The following SLC25A29 variants were observed in gnomAD, a reference collection of about 807,000 sequenced individuals.
SLC25A29 encodes the protein solute carrier family 25 member 29.
In SLC25A29, 13 loss-of-function variants were observed where a neutral mutation model predicts 10.0. The observed-to-expected ratio is 1.30, with a 90% CI of 0.85 to 2.07. The LOEUF (loss-of-function observed/expected upper bound fraction) is 2.07, where lower values mean the gene tolerates loss of function less well. Ranked by LOEUF, SLC25A29 falls within the 30% of genes most tolerant of loss-of-function variation. The pLI is 0.00. For missense variants in SLC25A29, 475 were observed against 447.6 expected (o/e 1.06, Z -0.55); for synonymous variants, 244 against 221.1 (o/e 1.10, Z -0.92).
intron 1 of SLC25A29, among the ~76,000 whole-genome samples, chr14:100,303,361 G>A (rs1208956959): frequency 6.6e-6 from 1 of 152,208 alleles, no homozygotes; most frequent in South Asian, 2.1e-4. Context: ...CCCTTCCTGT[G>A]GGTGCATGGT....
chr14:100,299,244 T>C, intron 1 of SLC25A29: 1 of 1,101,774 alleles, frequency 9.1e-7, no homozygotes, highest in Non-Finnish European at 1.1e-6. Context: ...TCCAAACACC[T>C]GACATGGGCA....
intron 1 of SLC25A29, chr14:100,299,872 C>T: frequency 1.0e-6 from 1 of 985,486 alleles, no homozygotes; most frequent in Non-Finnish European, 1.2e-6. Context: ...AACAAACTAA[C>T]ATTACGACCC....
At chr14:100,287,032 G>A (rs2139636418), downstream of SLC25A29, among the ~76,000 whole-genome samples, 1 of 152,374 alleles carries the variant, frequency 6.6e-6, no homozygotes, top group South Asian at 2.1e-4. Context: ...GTGTGCATAG[G>A]GCTGAGCCAT....
chr14:100,300,244 G>A (rs907932558), intron 1 of SLC25A29, among the ~76,000 whole-genome samples: 6 of 152,046 alleles, frequency 3.9e-5, no homozygotes, highest in Non-Finnish European at 5.9e-5. Flanking sequence ...GCACTCCAGC[G>A]ACCCAGAGAG....
At chr14:100,301,827 G>T (rs958857527) in intron 1 of SLC25A29, among the ~76,000 whole-genome samples, 1 of 151,432 alleles carries the variant, frequency 6.6e-6, no homozygotes, top group Non-Finnish European at 1.5e-5. Context: ...CTTCTAATAC[G>T]TCTAATCATT....
rs746725455 is a variant in SLC25A29, at chr14:100,292,272, C to T, written c.*11G>A. The T allele has an allele frequency of 3.9e-5, 60 of 1,533,166 alleles. No individual in the cohort carries two copies. The highest frequency in any genetic ancestry group is 4.0e-5 in the Non-Finnish European group (46 of 1,141,070). The allele number at this position is 1,533,166 out of a possible 1,614,324, so 95.0% of individuals were successfully genotyped here. ...GAGAAGGAGCCCTGGGGAAGGAGGG[C>T]GGGGTGAGCGTCACAGGCTGGAGGG... is the stretch of plus-strand genomic sequence containing the variant. On this transcript the variant is annotated 3_prime_UTR_variant, in exon 4 of 4. Coordinates refer to ENST00000359232, the MANE Select transcript of SLC25A29 (RefSeq NM_001039355.3).
chr14:100,282,373 T>C, the SLC25A29 span: 4 of 151,980 alleles, frequency 2.6e-5, no homozygotes, highest in African/African-American at 9.7e-5. Flanking sequence ...CTGCTCTCTC[T>C]GGGGGCCGCA....
Position 100,292,682 on chromosome 14 carries a change from G to A in SLC25A29, c.513C>T (p.Thr171=), listed in dbSNP as rs1334254180. ...CCAGCGCCCGCGTGAGAGCGTCATA[G>A]GTGAGGAAGTAGACGCCGAAGCTGG... ...ETPSFGVYFL[T]YDALTRALGC... is the part of the protein sequence containing the mutation. The change falls in exon 4 of 4, where the codon ACC becomes ACT. Residue 171 remains threonine, a synonymous_variant. Transcript: ENST00000359232. The A allele has an allele frequency of 5.6e-6, 9 of 1,603,152 alleles. No individual in the cohort carries two copies. The highest frequency in any genetic ancestry group is 3.3e-4 in the Middle Eastern group (2 of 6,054).
intron 2 of SLC25A29, 138 bp downstream of exon 2, chr14:100,298,704 G>T: frequency 9.3e-7 from 1 of 1,071,118 alleles, no homozygotes; most frequent in Non-Finnish European, 1.4e-6. Context: ...AAAGCAGTGA[G>T]GAAGGTTCAA....
the SLC25A29 span, among the ~76,000 whole-genome samples, chr14:100,283,042 C>G: frequency 1.3e-5 from 2 of 152,250 alleles, no homozygotes; most frequent in Non-Finnish European, 2.9e-5. Flanking sequence ...TTAAAGAGAG[C>G]CTCACCCACT....
downstream of SLC25A29, among the ~76,000 whole-genome samples, chr14:100,287,634 C>CT (rs373667464): frequency 1.2e-4 from 14 of 112,122 alleles, no homozygotes; most frequent in Non-Finnish European, 2.1e-4. Context: ...CACCACCCCC[C>CT]CCCTCCGAAT....
At chr14:100,285,344 T>C in the SLC25A29 span, among the ~76,000 whole-genome samples, 2 of 151,910 alleles carry the variant, frequency 1.3e-5, no homozygotes, top group South Asian at 4.1e-4. Flanking sequence ...CACGCTGCTC[T>C]GGCGGGCGGC....
In SLC25A29 at chr14:100,291,766, C is replaced by A. The variant is rs1891710593; in HGVS notation, c.*517G>T. On this transcript the variant is annotated 3_prime_UTR_variant, in exon 4 of 4. Transcript: ENST00000359232. ...GGAGAAGCTGGGGTATGCAGAGGAT[C>A]CAGTTCTGTGACACCAGGAGGCACA... is the stretch of plus-strand genomic sequence containing the variant. 5.9e-6 allele frequency: 1 copy of A among 169,890 alleles called. No homozygotes were observed. 10.5% of individuals were successfully genotyped at this position (169,890 alleles called of 1,614,324 possible).
intron 1 of SLC25A29, among the ~76,000 whole-genome samples, chr14:100,301,601 C>T (rs1190478000): frequency 6.6e-6 from 1 of 152,106 alleles, no homozygotes; most frequent in Non-Finnish European, 1.5e-5. Context: ...GCTCTGCCTC[C>T]CAGGTTCACG....
the SLC25A29 span, chr14:100,279,348 A>C: frequency 6.6e-6 from 1 of 152,246 alleles, no homozygotes; most frequent in Admixed American, 6.5e-5. Context: ...CCATTGTCTT[A>C]GAGCTTCTCC....
At chr14:100,278,934 G>A in the SLC25A29 span, 1 of 152,206 alleles carries the variant, frequency 6.6e-6, no homozygotes, top group Admixed American at 6.5e-5. Flanking sequence ...TGTGGTCGTT[G>A]GTTATTTGGT....
the SLC25A29 span, chr14:100,281,732 A>T: frequency 6.6e-6 from 1 of 152,120 alleles, no homozygotes; most frequent in Non-Finnish European, 1.5e-5. Context: ...TCCACCCCAA[A>T]TTACTGACCC....
chr14:100,302,346 CA>C lies in SLC25A29; in HGVS notation c.35-3462del, dbSNP rs1892618223. On this transcript the variant is annotated intron_variant, in intron 1 of 3. Coordinates refer to ENST00000359232, the MANE Select transcript of SLC25A29 (RefSeq NM_001039355.3). The stretch of plus-strand genomic sequence containing the variant: ...CAGGCTTGAGCCACCAAGCTCGGCC[CA>C]AAATCTATTTCTTTCTTTTTTTTTT... Among the ~76,000 whole-genome samples the C allele has an allele frequency of 2.0e-5, 3 of 151,348 alleles. No homozygotes were observed. In the South Asian group the frequency reaches 6.3e-4, roughly 32 times the overall value.
chr14:100,303,015 C>T (rs917152989), intron 1 of SLC25A29, among the ~76,000 whole-genome samples: 5 of 152,164 alleles, frequency 3.3e-5, no homozygotes, highest in Admixed American at 6.5e-5. Context: ...CCTGTTCCTT[C>T]TTCTTCCAGA....
Sources: gnomAD v4.1 joint callset for allele counts (sites outside exome capture counted in the v4.1 genomes callset) on GRCh38, gnomAD v4.1.1 for gene constraint, MANE v1.5 for transcripts, NCBI Gene and HGNC (gene_info 2026-07-23, HGNC 2026-07-21) for gene names.